Variants in GTF3C1 observed in about 807,000 individuals in gnomAD.
The protein encoded by GTF3C1 is general transcription factor IIIC subunit 1, also known as general transcription factor 3C polypeptide 1.
A neutral mutation model predicts 226.7 loss-of-function variants in GTF3C1; 57 were observed. The ratio of observed to expected loss-of-function variants is 0.25; its 90% CI spans 0.20 to 0.31. The LOEUF is 0.31. Ranked by LOEUF, GTF3C1 falls within the 10% of genes least tolerant of loss-of-function variation. The pLI, the probability that GTF3C1 is intolerant of heterozygous loss-of-function variation, is 1.00. For missense variants in GTF3C1, 2,217 were observed against 2,776.1 expected, an observed-to-expected ratio of 0.80 and a Z score of 4.53; for synonymous variants, 1,090 against 1,084.8, an observed-to-expected ratio of 1.00 and a Z score of -0.09.
At chr16:27,466,224 CAA>C (rs1442901417) in intron 32 of GTF3C1, 1 of 152,348 alleles carries the variant, frequency 6.6e-6, no homozygotes, top group African/African-American at 2.4e-5. Flanking sequence ...AAGTCTGCAT[CAA>C]GAGAGTCTAC....
At chr16:27,506,245 G>C (rs1196500052) in intron 9 of GTF3C1, 129 bp from the exon 10 acceptor site, 1 of 606,074 alleles carries the variant, frequency 1.6e-6, no homozygotes, top group Admixed American at 2.9e-5. Context: ...GAGGGAAGTG[G>C]ACCAGCAGCA....
intron 2 of GTF3C1, among the ~76,000 whole-genome samples, chr16:27,541,738 A>G (rs529079335): frequency 6.6e-6 from 1 of 152,288 alleles, no homozygotes; most frequent in East Asian, 1.9e-4. Flanking sequence ...CAGCATGTTG[A>G]GGCTGAAGTG....
chr16:27,540,216 T>C (rs1399156515), intron 2 of GTF3C1, among the ~76,000 whole-genome samples: 12 of 152,224 alleles, frequency 7.9e-5, no homozygotes, highest in Admixed American at 7.9e-4. Context: ...TTCACATTGT[T>C]TGACACCTGA....
rs766782270 is a variant in GTF3C1, at chr16:27,464,694, TG to T, written c.5497del (p.Gln1833ArgfsTer48). On this transcript the variant is annotated frameshift_variant, in exon 34 of 37. Transcript: ENST00000356183. LOFTEE classifies it high-confidence loss of function. The stretch of plus-strand genomic sequence containing the variant: ...GGAAGACCCCTCCAGGGGTCTGGCC[TG>T]GGGGTCTTCTCTCTGGATGTCGGCG... ...EDADIQREDP[Q>X]ARPLEGSSSE... The T allele has an allele frequency of 1.3e-6, 2 of 1,598,096 alleles. No individual in the cohort carries two copies. Among genetic ancestry groups the T allele is most frequent in the Non-Finnish European group, 1.7e-6 (2 of 1,176,742 alleles).
chr16:27,507,226 G>A lies in GTF3C1; in HGVS notation c.1243-70C>T. ...ATACCCACAGGGGTTCAGGTGGTCT[G>A]TGGCATCTATTTCCTTATTGGCTTT... is the stretch of plus-strand genomic sequence containing the variant. On this transcript the variant is annotated intron_variant, in intron 8 of 36. Coordinates refer to ENST00000356183, the MANE Select transcript of GTF3C1 (RefSeq NM_001520.4). This position sits in a 1 kb window ranked among gnomAD's most constrained non-coding sequence, Gnocchi z 4.9. 8.5e-7 allele frequency: 1 copy of A among 1,176,486 alleles called. No individual in the cohort carries two copies. The highest frequency in any genetic ancestry group is 2.1e-4 in the Middle Eastern group (1 of 4,864). 72.9% of individuals were successfully genotyped at this position (1,176,486 alleles called of 1,614,324 possible). A position where few individuals can be genotyped will look rare whatever the true frequency, so the allele number is the denominator to read the frequency against.
At chr16:27,482,057 C>T (rs544772607) in intron 26 of GTF3C1, among the ~76,000 whole-genome samples, 17 of 152,308 alleles carry the variant, frequency 1.1e-4, no homozygotes, top group African/African-American at 4.1e-4. Flanking sequence ...GTTTCCCAGC[C>T]ACGTGGCCCA....
intron 24 of GTF3C1, among the ~76,000 whole-genome samples, chr16:27,485,039 T>C (rs140039258): frequency 2.6e-5 from 4 of 152,324 alleles, no homozygotes; most frequent in Non-Finnish European, 2.9e-5. Context: ...GACGAAGCCA[T>C]TGCAGATGCA....
intron 27 of GTF3C1, 59 bp downstream of exon 27, chr16:27,481,020 G>T: frequency 7.2e-7 from 1 of 1,379,628 alleles, no homozygotes; most frequent in Non-Finnish European, 1.0e-6. Flanking sequence ...GGGAGACAGG[G>T]CTGGCCTTTT....
Position 27,522,792 on chromosome 16 carries a change from C to T in GTF3C1, c.973+5806G>A, listed in dbSNP as rs556865015. On this transcript the variant is annotated intron_variant, in intron 6 of 36. Transcript: ENST00000356183. The stretch of plus-strand genomic sequence containing the variant: ...TTTCAGCAACATTTTGTAGTTTTCA[C>T]AGCGTATATGTTTTGTACTTCTTTT... Among the ~76,000 whole-genome samples, 15 of 152,346 alleles carry T rather than the reference C, an allele frequency of 9.8e-5. No homozygotes were observed. The East Asian group carries it at 2.5e-3, about 25-fold the overall frequency.
rs1193335894 is a variant in GTF3C1 at position 27,463,820 on chromosome 16, G to C, written c.5873-228C>G. On this transcript the variant is annotated intron_variant, in intron 34 of 36. Transcript: ENST00000356183. This position sits in a 1 kb window ranked among gnomAD's most constrained non-coding sequence, Gnocchi z 4.9. Reference sequence around the variant, plus strand: ...ACATGCAAGCAGCGTCCCAGGCCCGGACAAGCCCCACATTGCAGGAAGCCA... The same window carrying C: ...ACATGCAAGCAGCGTCCCAGGCCCGCACAAGCCCCACATTGCAGGAAGCCA... 4 of 553,048 alleles carry C rather than the reference G, an allele frequency of 7.2e-6. No homozygotes were observed. Among genetic ancestry groups the C allele is most frequent in the Non-Finnish European group, 9.5e-6 (3 of 315,956 alleles). The allele number at this position is 553,048 out of a possible 1,614,324, so 34.3% of individuals were successfully genotyped here. A position where few individuals can be genotyped will look rare whatever the true frequency, so the allele number is the denominator to read the frequency against.
Position 27,469,382 on chromosome 16 carries a change from G to A in GTF3C1, c.4983C>T (p.Asn1661=), listed in dbSNP as rs750411827. 3 of 1,612,704 alleles carry A rather than the reference G, an allele frequency of 1.9e-6. No individual in the cohort carries two copies. Among genetic ancestry groups the A allele is most frequent in the Admixed American group, 3.4e-5 (2 of 59,688 alleles). Residue 1661 remains asparagine, a synonymous_variant, in exon 32 of 37, where the codon AAC becomes AAT. Coordinates refer to ENST00000356183, the MANE Select transcript of GTF3C1 (RefSeq NM_001520.4). The surrounding 1 kb of genome is among the most constrained non-coding windows in gnomAD (Gnocchi z 4.5). ...YYSPGIVSTR[N]LNPNDSIVVN... ...CCACAATGCTGTCGTTGGGGTTGAG[G>A]TTGCGGGTGCTGACGATGCCGGGGG...
chr16:27,539,217 G>A (rs1195974739), intron 2 of GTF3C1, among the ~76,000 whole-genome samples: 6 of 152,116 alleles, frequency 3.9e-5, no homozygotes, highest in Non-Finnish European at 5.9e-5. Context: ...AGCACTGAAC[G>A]GTGCAATCAG....
In GTF3C1 at chr16:27,492,918, A is replaced by C. The variant is rs1212449904; in HGVS notation, c.2877-205T>G. Among the ~76,000 whole-genome samples, 1 of 152,144 alleles carries C rather than the reference A, an allele frequency of 6.6e-6. No individual in the cohort carries two copies. Among genetic ancestry groups the C allele is most frequent in the Non-Finnish European group, 1.5e-5 (1 of 68,026 alleles). ...CCAGGGCCACAGAGATCAACCCGAC[A>C]CTAGGGATTTGATTTGGAAAGTAAA... On this transcript the variant is annotated intron_variant, in intron 17 of 36. Coordinates refer to ENST00000356183, the MANE Select transcript of GTF3C1 (RefSeq NM_001520.4). This position sits in a 1 kb window ranked among gnomAD's most constrained non-coding sequence, Gnocchi z 5.0.
chr16:27,503,011 A>G lies in GTF3C1; in HGVS notation c.1771-16T>C. ...TGCTACTCTCCTAGAACAGAGACCG[A>G]AAGCACAAGATGCAATGGGCTCGGC... On this transcript the variant is annotated splice_polypyrimidine_tract_variant and intron_variant, in intron 10 of 36. Transcript: ENST00000356183. The G allele has an allele frequency of 6.2e-7, 1 of 1,609,046 alleles. No individual in the cohort carries two copies. The highest frequency in any genetic ancestry group is 8.5e-7 in the Non-Finnish European group (1 of 1,175,480).
chr16:27,519,861 C>G (rs2088718427), intron 6 of GTF3C1, among the ~76,000 whole-genome samples: 1 of 152,176 alleles, frequency 6.6e-6, no homozygotes, highest in Non-Finnish European at 1.5e-5. Flanking sequence ...AATCCCAGCA[C>G]TTTGGGAGGA....
chr16:27,469,861 A>G lies in GTF3C1; in HGVS notation c.4814+247T>C, dbSNP rs950267496. ...GTTCTGTTGCGAGGCCCTCAGGAAC[A>G]GTCCTCCCTTCTCTTCCCTGCCCCT... On this transcript the variant is annotated intron_variant, in intron 31 of 36. Coordinates refer to ENST00000356183, the MANE Select transcript of GTF3C1 (RefSeq NM_001520.4). The surrounding 1 kb of genome is among the most constrained non-coding windows in gnomAD (Gnocchi z 4.5). 1.3e-4 allele frequency among the ~76,000 whole-genome samples: 20 copies of G among 152,140 alleles called. No individual in the cohort carries two copies. Among genetic ancestry groups the G allele is most frequent in the Non-Finnish European group, 5.9e-5 (4 of 68,018 alleles).
At position 27,495,201 on chromosome 16, in the gene GTF3C1, G is replaced by T; in HGVS notation, c.2632+10C>A. ...CCGCCCCAGGTGCAGGAGTGGCAGG[G>T]GCCTCTCACCTGTCTCCGTGGCAAG... On this transcript the variant is annotated intron_variant, in intron 15 of 36. Coordinates refer to ENST00000356183, the MANE Select transcript of GTF3C1 (RefSeq NM_001520.4). 6.3e-7 allele frequency: 1 copy of T among 1,597,612 alleles called. No individual in the cohort carries two copies. Among genetic ancestry groups the T allele is most frequent in the Non-Finnish European group, 8.6e-7 (1 of 1,167,444 alleles).
At chr16:27,501,395 C>G (rs1413224267) in intron 11 of GTF3C1, 51 bp from the exon 12 acceptor site, 14 of 1,543,044 alleles carry the variant, frequency 9.1e-6, no homozygotes, top group African/African-American at 1.4e-5. Context: ...ACATGGAAGG[C>G]CTTCCTCAAC....
Position 27,492,769 on chromosome 16 carries a change from AGGGGTCTGCATGT to A in GTF3C1, c.2877-69_2877-57del. ...TCACACCACACTCGCAGCCGGCCGC[AGGGGTCTGCATGT>A]GGGGTGAGGGGTGCGACTTCCTTCT... On this transcript the variant is annotated intron_variant, in intron 17 of 36. Coordinates refer to ENST00000356183, the MANE Select transcript of GTF3C1 (RefSeq NM_001520.4). This position sits in a 1 kb window ranked among gnomAD's most constrained non-coding sequence, Gnocchi z 5.0. 1.0e-6 allele frequency: 1 copy of A among 967,374 alleles called. No homozygotes were observed. Among genetic ancestry groups the A allele is most frequent in the South Asian group, 1.3e-5 (1 of 78,328 alleles). The allele number at this position is 967,374 out of a possible 1,614,324, so 59.9% of individuals were successfully genotyped here.
Sources: gnomAD v4.1 joint callset for allele counts (sites outside exome capture counted in the v4.1 genomes callset) on GRCh38, gnomAD v4.1.1 for gene constraint, Gnocchi (gnomAD v3.1) non-coding constraint, MANE v1.5 for transcripts, NCBI Gene and HGNC (gene_info 2026-07-23, HGNC 2026-07-21) for gene names.